The following WDR4 variants were observed in gnomAD, a reference collection of about 807,000 sequenced individuals.
WDR4 encodes the protein WDR4 tRNA N7-guanosine methyltransferase non-catalytic subunit.
In WDR4, 47 loss-of-function variants were observed where a neutral mutation model predicts 48.6. The observed-to-expected ratio is 0.97, with a 90% CI of 0.77 to 1.23. The LOEUF is 1.23. Ranked by LOEUF, WDR4 falls within the 50% of genes most tolerant of loss-of-function variation. The pLI, the probability that WDR4 is intolerant of heterozygous loss-of-function variation, is 0.00. For missense variants in WDR4, 606 were observed against 551.6 expected (o/e 1.10, Z -0.99); for synonymous variants, 268 against 230.0 (o/e 1.17, Z -1.49).
chr21:42,847,024 C>T (rs982108645), downstream of WDR4, among the ~76,000 whole-genome samples: 3 of 108,864 alleles, frequency 2.8e-5, no homozygotes, highest in African/African-American at 1.1e-4. Context: ...GGCAACAGAG[C>T]GAGACTCTGT....
chr21:42,888,190 T>C, the WDR4 span, among the ~76,000 whole-genome samples: 97,781 of 152,050 alleles, frequency 0.64, 33,171 homozygotes, highest in African/African-American at 0.86. Context: ...CTCAAACCCA[T>C]CTATGCCCTA....
At chr21:42,879,596 T>C (rs529490232), upstream of WDR4, 1 of 1,392,746 alleles carries the variant, frequency 7.2e-7, no homozygotes, top group Non-Finnish European at 9.9e-7. Flanking sequence ...AGATGACGTA[T>C]ACCCCACGTA....
In WDR4 at chr21:42,863,568, T is replaced by G; in HGVS notation, c.325A>C (p.Thr109Pro). 1 of 1,613,190 alleles carries G rather than the reference T, an allele frequency of 6.2e-7. No individual in the cohort carries two copies. Among genetic ancestry groups the G allele is most frequent in the Non-Finnish European group, 8.5e-7 (1 of 1,179,804 alleles). ...RTVARRCTAL[T>P]FIASEEKVLV... is the part of the protein sequence containing the mutation. The stretch of plus-strand genomic sequence containing the variant: ...ACCTTCTCCTCCGAGGCTATGAAAG[T>G]CAGGGCTGTACACCTCCTTGCCACG... Residue 109 changes from threonine (T) to proline (P), a missense_variant, in exon 4 of 11, where the codon ACT becomes CCT. Thr to Pro is a conservative substitution (Grantham distance 38, BLOSUM62 -1). Coordinates refer to ENST00000398208, the MANE Select transcript of WDR4 (RefSeq NM_018669.6).
At position 42,879,501 on chromosome 21, in the gene WDR4, C is replaced by T; in HGVS notation, c.-6G>A. ...AGTCCCACAGAGCCCGCCATGTACC[C>T]GCCCGCCTCACCGCCATACACATGT... On this transcript the variant is annotated 5_prime_UTR_variant, in exon 1 of 11. Coordinates refer to ENST00000398208, the MANE Select transcript of WDR4 (RefSeq NM_018669.6). 3 of 1,613,082 alleles carry T rather than the reference C, an allele frequency of 1.9e-6. No homozygotes were observed. Among genetic ancestry groups the T allele is most frequent in the Non-Finnish European group, 2.5e-6 (3 of 1,179,796 alleles).
At chr21:42,843,900 AGGCTAGTCTCAAACTCCTG>A (rs1007707571) in intron 11 of WDR4, among the ~76,000 whole-genome samples, 3 of 152,170 alleles carry the variant, frequency 2.0e-5, no homozygotes, top group African/African-American at 7.2e-5. Context: ...TGTATTGCCC[AGGCTAGTCTCAAACTCCTG>A]GGCTCAAGCA....
upstream of WDR4, among the ~76,000 whole-genome samples, chr21:42,880,998 C>G (rs1372182367): frequency 6.6e-6 from 1 of 151,922 alleles, no homozygotes; most frequent in Non-Finnish European, 1.5e-5. Flanking sequence ...CTCCACCTCC[C>G]GAGTTCACGC....
upstream of WDR4, among the ~76,000 whole-genome samples, chr21:42,880,868 G>A (rs2839596): frequency 0.6 from 91,038 of 151,576 alleles, 28,102 homozygotes; most frequent in African/African-American, 0.71. Context: ...TCCCTTAAAA[G>A]CTTTATGGGC....
chr21:42,874,724 C>G (rs2058450523), intron 2 of WDR4, among the ~76,000 whole-genome samples: 1 of 152,106 alleles, frequency 6.6e-6, no homozygotes, highest in Non-Finnish European at 1.5e-5. Flanking sequence ...AGATTCCCGC[C>G]TAATAAATTT....
At chr21:42,888,233 A>G in the WDR4 span, among the ~76,000 whole-genome samples, 1 of 152,198 alleles carries the variant, frequency 6.6e-6, no homozygotes, top group East Asian at 1.9e-4. Context: ...AGATAGATAC[A>G]TAGAGAGCTA....
At chr21:42,850,311 C>A in intron 10 of WDR4, 69 bp from the exon 11 acceptor site, 1 of 1,429,086 alleles carries the variant, frequency 7.0e-7, no homozygotes, top group Non-Finnish European at 9.4e-7. Context: ...CACAGCGGGC[C>A]CCCTGCAGCA....
Position 42,859,737 on chromosome 21 carries a change from G to T in WDR4, c.567-15C>A. On this transcript the variant is annotated splice_polypyrimidine_tract_variant and intron_variant, in intron 5 of 10. Transcript: ENST00000398208. ...GGCTCACAAACCTGTGAGGGCGAGA[G>T]AGAGCGGCAGAGTCAGCGAGCCCAG... The T allele has an allele frequency of 6.4e-7, 1 of 1,554,836 alleles. No individual in the cohort carries two copies. Among genetic ancestry groups the T allele is most frequent in the Non-Finnish European group, 8.7e-7 (1 of 1,148,972 alleles).
At chr21:42,865,743 C>A (rs1373025949) in intron 3 of WDR4, among the ~76,000 whole-genome samples, 1 of 152,136 alleles carries the variant, frequency 6.6e-6, no homozygotes, top group East Asian at 1.9e-4. Flanking sequence ...CCAGCCTGTG[C>A]AGGGTCTCGG....
chr21:42,850,951 A>G (rs1333130360), intron 10 of WDR4, among the ~76,000 whole-genome samples: 1 of 152,156 alleles, frequency 6.6e-6, no homozygotes, highest in Non-Finnish European at 1.5e-5. Context: ...GACTGCCTGA[A>G]GCCTGCCCAT....
Position 42,862,220 on chromosome 21 carries a change from C to T in WDR4, c.566+62G>A. On this transcript the variant is annotated intron_variant, in intron 5 of 10. Transcript: ENST00000398208. This position sits in a 1 kb window ranked among gnomAD's most constrained non-coding sequence, Gnocchi z 4.3. ...AGCTACAACGGCACCTGCTGAGCCGCAAGCTGACGCTGTTTTCAAACAGAC... is the reference window on the plus strand; with the variant it reads ...AGCTACAACGGCACCTGCTGAGCCGTAAGCTGACGCTGTTTTCAAACAGAC... 6.8e-7 allele frequency: 1 copy of T among 1,462,722 alleles called. No individual in the cohort carries two copies. The allele number at this position is 1,462,722 out of a possible 1,614,324, so 90.6% of individuals were successfully genotyped here. A position where few individuals can be genotyped will look rare whatever the true frequency, so the allele number is the denominator to read the frequency against.
Position 42,876,742 on chromosome 21 carries a change from C to A in WDR4, c.115G>T (p.Asp39Tyr). 6.2e-7 allele frequency: 1 copy of A among 1,613,406 alleles called. No individual in the cohort carries two copies. Residue 39 changes from aspartate to tyrosine, a missense_variant, in exon 2 of 11, where the codon GAC becomes TAC. By Grantham distance (160) the Asp-to-Tyr change is radical. Coordinates refer to ENST00000398208, the MANE Select transcript of WDR4 (RefSeq NM_018669.6). ...GACTTCTTTTCTGCAGCACTGCAGTCATAGATGAAGAGGCTGTCATCATCA... is the reference window on the plus strand; with the variant it reads ...GACTTCTTTTCTGCAGCACTGCAGTAATAGATGAAGAGGCTGTCATCATCA... ...SSDDDSLFIYDCSAAEKKSQE... is the reference protein window; with the variant it reads ...SSDDDSLFIYYCSAAEKKSQE...
chr21:42,855,689 GC>G lies in WDR4; in HGVS notation c.718del (p.Ala240ProfsTer94), dbSNP rs1330833801. On this transcript the variant is annotated frameshift_variant, in exon 7 of 11. Coordinates refer to ENST00000398208, the MANE Select transcript of WDR4 (RefSeq NM_018669.6). LOFTEE classifies it high-confidence loss of function. Reference sequence around the variant, plus strand: ...GTGAACAGAAGCAGCTACCTGGGGGGCCTGGGGGTCCACCAGCTCCTGCAGA... The same window carrying G: ...GTGAACAGAAGCAGCTACCTGGGGGGCTGGGGGTCCACCAGCTCCTGCAGA... The part of the protein sequence containing the change: ...ASLQELVDPQ[A>X]PQKFAASRIA... 6.4e-7 allele frequency: 1 copy of G among 1,551,988 alleles called. No individual in the cohort carries two copies. The highest frequency in any genetic ancestry group is 2.4e-5 in the East Asian group (1 of 41,164).
the WDR4 span, among the ~76,000 whole-genome samples, chr21:42,892,283 A>G: frequency 6.6e-6 from 1 of 152,156 alleles, no homozygotes; most frequent in Non-Finnish European, 1.5e-5. Flanking sequence ...AAACAAAAAA[A>G]AAATCTTTTG....
At chr21:42,859,535 A>G in intron 6 of WDR4, 127 bp downstream of exon 6, 4 of 1,104,462 alleles carry the variant, frequency 3.6e-6, no homozygotes, top group East Asian at 2.6e-5. Flanking sequence ...CAGCTCTAAG[A>G]TCTAGTGGAC....
chr21:42,877,937 C>A (rs563691459), intron 1 of WDR4, among the ~76,000 whole-genome samples: 1 of 149,088 alleles, frequency 6.7e-6, no homozygotes, highest in Non-Finnish European at 1.5e-5. Context: ...CCCAACTACT[C>A]GGGAGGCTGA....
Sources: gnomAD v4.1 joint callset for allele counts (sites outside exome capture counted in the v4.1 genomes callset) on GRCh38, gnomAD v4.1.1 for gene constraint, Gnocchi (gnomAD v3.1) non-coding constraint, MANE v1.5 for transcripts, NCBI Gene and HGNC (gene_info 2026-07-23, HGNC 2026-07-21) for gene names.